Variants in GEN1 observed in about 807,000 individuals in gnomAD.
The protein encoded by GEN1 is flap endonuclease GEN homolog 1.
Under a neutral mutation model 67.6 loss-of-function variants are expected in GEN1, and 64 were observed. The observed-to-expected ratio is 0.95, with a 90% CI of 0.77 to 1.17. GEN1 has a LOEUF of 1.17. GEN1 is among the 50% of genes most tolerant of loss of function. GEN1 has a pLI of 0.00. For missense variants in GEN1, 1,058 were observed against 1,048.3 expected (o/e 1.01, Z -0.13); for synonymous variants, 371 against 359.4 (o/e 1.03, Z -0.37).
intron 3 of GEN1, among the ~76,000 whole-genome samples, chr2:17,762,288 G>A (rs1372210459): frequency 6.9e-5 from 10 of 144,162 alleles, no homozygotes; most frequent in African/African-American, 1.8e-4. Flanking sequence ...TGCAAGCTCC[G>A]CCTCCTGGGT....
At position 17,781,605 on chromosome 2, in the gene GEN1, A is replaced by G; in HGVS notation, c.2393A>G (p.Asp798Gly). 1 of 1,614,010 alleles carries G rather than the reference A, an allele frequency of 6.2e-7. No individual in the cohort carries two copies. Among genetic ancestry groups the G allele is most frequent in the Non-Finnish European group, 8.5e-7 (1 of 1,179,952 alleles). ...TTAATGAAGAAGAGTGTTTGCCTTG[A>G]CAGACATTCCTCTGATGAACAAAGT... ...KILMKKSVCL[D>G]RHSSDEQSAP... Residue 798 changes from aspartate (D) to glycine (G), a missense_variant, in exon 14 of 14, where the codon GAC (aspartate) becomes GGC (glycine). By Grantham distance (94) the Asp-to-Gly change is moderately conservative. Transcript: ENST00000381254.
chr2:17,774,366 T>C lies in GEN1; in HGVS notation c.1167T>C (p.Leu389=). The C allele has an allele frequency of 6.2e-7, 1 of 1,605,906 alleles. No individual in the cohort carries two copies. The highest frequency in any genetic ancestry group is 8.5e-7 in the Non-Finnish European group (1 of 1,174,922). The change falls in exon 11 of 14, where the codon CTT becomes CTC. Residue 389 remains leucine (L), a synonymous_variant. Transcript: ENST00000381254. Reference sequence around the variant, plus strand: ...ATTATGACATGATAGAAAGAAAGCTTGGTAGCAGAAACTCTAATCAACTAC... The same window carrying C: ...ATTATGACATGATAGAAAGAAAGCTCGGTAGCAGAAACTCTAATCAACTAC... ...LTHYDMIERK[L]GSRNSNQLQP...
chr2:17,753,688 C>A (rs1413870289), upstream of GEN1: 1 of 152,222 alleles, frequency 6.6e-6, no homozygotes, highest in Non-Finnish European at 1.5e-5. Context: ...TACGACCGGC[C>A]GCTAAGGCCA....
At position 17,783,339 on chromosome 2, in the gene GEN1, G is replaced by C. The variant is rs558985846; in HGVS notation, c.*1400G>C. ...CTCCCAGAGTGCTGGGATTACAGGT[G>C]TGAATCACCATACTCAGCCTCAATT... is the stretch of plus-strand genomic sequence containing the variant. On this transcript the variant is annotated 3_prime_UTR_variant, in exon 14 of 14. Transcript: ENST00000381254. The C allele has an allele frequency of 6.6e-6, 1 of 152,348 alleles. No homozygotes were observed. Among genetic ancestry groups the C allele is most frequent in the East Asian group, 1.9e-4 (1 of 5,188 alleles). The allele number at this position is 152,348 out of a possible 1,614,324, so 9.4% of individuals were successfully genotyped here.
chr2:17,783,355 A>G lies in GEN1; in HGVS notation c.*1416A>G, dbSNP rs779017161. 3 of 152,220 alleles carry G rather than the reference A, an allele frequency of 2.0e-5. No individual in the cohort carries two copies. Among genetic ancestry groups the G allele is most frequent in the Non-Finnish European group, 2.9e-5 (2 of 68,044 alleles). The allele number at this position is 152,220 out of a possible 1,614,324, so 9.4% of individuals were successfully genotyped here. On this transcript the variant is annotated 3_prime_UTR_variant, in exon 14 of 14. Transcript: ENST00000381254. ...ATTACAGGTGTGAATCACCATACTC[A>G]GCCTCAATTGTATTTCTGTACACCT...
rs116308454 is a variant in GEN1 at position 17,773,033 on chromosome 2, G to A, written c.954-63G>A. The A allele has an allele frequency of 2.3e-5, 25 of 1,068,542 alleles. 1 individual carries two copies. In the Middle Eastern group the frequency reaches 1.2e-3, roughly 52 times the overall value. The allele number at this position is 1,068,542 out of a possible 1,614,324, so 66.2% of individuals were successfully genotyped here. On this transcript the variant is annotated intron_variant, in intron 8 of 13. Coordinates refer to ENST00000381254, the MANE Select transcript of GEN1 (RefSeq NM_001130009.3). ...TATTAAATGGGAGGAGATTGGCTGAGATGATTTCAGAGTCTAAAATTGTCT... is the reference window on the plus strand; with the variant it reads ...TATTAAATGGGAGGAGATTGGCTGAAATGATTTCAGAGTCTAAAATTGTCT...
At chr2:17,773,571 A>G (rs1672291810) in intron 10 of GEN1, among the ~76,000 whole-genome samples, 1 of 152,114 alleles carries the variant, frequency 6.6e-6, no homozygotes, top group South Asian at 2.1e-4. Context: ...AGAGGGTTTA[A>G]TAACAAGAGA....
intron 13 of GEN1, 125 bp downstream of exon 13, chr2:17,780,246 G>A: frequency 1.3e-6 from 1 of 742,880 alleles, no homozygotes; most frequent in East Asian, 2.7e-5. Flanking sequence ...GTCAAGAATT[G>A]TATTCTTCCT....
chr2:17,775,846 T>C (rs887167988), intron 11 of GEN1, among the ~76,000 whole-genome samples: 1 of 152,152 alleles, frequency 6.6e-6, no homozygotes, highest in Non-Finnish European at 1.5e-5. Context: ...CCAAAAAAGC[T>C]TGAGCTAGGT....
At chr2:17,759,750 A>G (rs556258277) in intron 1 of GEN1, among the ~76,000 whole-genome samples, 179 bp from the exon 2 acceptor site, 4 of 152,324 alleles carry the variant, frequency 2.6e-5, no homozygotes, top group East Asian at 3.9e-4. Context: ...GAAAAAGCCA[A>G]TTACCGCCAT....
intron 10 of GEN1, 96 bp from the exon 11 acceptor site, chr2:17,774,169 AACTTAC>A: frequency 1.9e-6 from 1 of 525,058 alleles, no homozygotes; most frequent in Non-Finnish European, 3.1e-6. Context: ...ATACTACTTT[AACTTAC>A]GTTAATTCTA....
At chr2:17,780,589 A>AT (rs765252489) in intron 13 of GEN1, 32 bp from the exon 14 acceptor site, 8 of 1,335,412 alleles carry the variant, frequency 6.0e-6, no homozygotes, top group Non-Finnish European at 7.2e-6. Flanking sequence ...AAGAAAATAA[A>AT]TGTTGATTAT....
intron 7 of GEN1, among the ~76,000 whole-genome samples, chr2:17,772,019 A>G (rs972032546): frequency 4.6e-5 from 7 of 152,082 alleles, no homozygotes; most frequent in African/African-American, 1.2e-4. Flanking sequence ...ATAAATGACA[A>G]TTTTAGGTCA....
chr2:17,759,813 A>G, intron 1 of GEN1, 116 bp from the exon 2 acceptor site: 2 of 817,106 alleles, frequency 2.4e-6, no homozygotes, highest in Non-Finnish European at 3.6e-6. Flanking sequence ...TGATGAAAAA[A>G]ATAAGGAATA....
At chr2:17,760,497 A>C (rs2125120283) in intron 2 of GEN1, among the ~76,000 whole-genome samples, 2 of 152,324 alleles carry the variant, frequency 1.3e-5, no homozygotes, top group South Asian at 4.1e-4. Flanking sequence ...ACCTCAGTCT[A>C]TGCCAACCTC....
At chr2:17,777,158 A>G (rs1480748118) in intron 11 of GEN1, among the ~76,000 whole-genome samples, 2 of 152,164 alleles carry the variant, frequency 1.3e-5, no homozygotes, top group Non-Finnish European at 2.9e-5. Flanking sequence ...AAGTGTTGTT[A>G]AAGGATATAC....
rs1023290414 is a variant in GEN1, at chr2:17,774,298, C to T, written c.1099C>T (p.Pro367Ser). Residue 367 changes from proline (P) to serine (S), a missense_variant, in exon 11 of 14, where the codon CCC becomes TCC. By Grantham distance (74) the Pro-to-Ser change is moderately conservative (BLOSUM62 -1). Transcript: ENST00000381254. ...QRFTLEKMEW[P>S]NHYACEKLLV... ...ATTTACTCTTGAAAAAATGGAGTGG[C>T]CCAATCACTATGCATGTGAGAAATT... The T allele has an allele frequency of 3.1e-5, 49 of 1,582,272 alleles. No individual in the cohort carries two copies. The highest frequency in any genetic ancestry group is 4.1e-5 in the Non-Finnish European group (47 of 1,157,226).
At chr2:17,764,864 CTTT>C in intron 3 of GEN1, 30 bp from the exon 4 acceptor site, 1 of 1,590,676 alleles carries the variant, frequency 6.3e-7, no homozygotes. Context: ...TGAAAACATT[CTTT>C]AACATCTTGC....
At chr2:17,754,870 G>A (rs1046893104) in intron 1 of GEN1, 1 of 152,110 alleles carries the variant, frequency 6.6e-6, no homozygotes, top group African/African-American at 2.4e-5. Context: ...AACTTCCTTG[G>A]CTTAGGTTTC....
Sources: allele counts gnomAD v4.1 joint callset (sites outside exome capture counted in the v4.1 genomes callset), GRCh38; gene constraint gnomAD v4.1.1; transcripts MANE v1.5; gene names NCBI Gene and HGNC (gene_info 2026-07-23, HGNC 2026-07-21).